Variants in DGKH observed in about 807,000 individuals in gnomAD.
DGKH encodes the protein DAG kinase eta.
Under a neutral mutation model 159.3 loss-of-function variants are expected in DGKH, and 90 were observed. That is an observed-to-expected ratio of 0.57 (90% CI 0.48 to 0.67). The LOEUF is 0.67. Among genes scored for constraint, DGKH ranks in the 30% least tolerant of loss-of-function variants. The pLI is 0.00. For missense variants in DGKH, 1,181 were observed against 1,506.1 expected (o/e 0.78, Z 3.57); for synonymous variants, 536 against 553.8 (o/e 0.97, Z 0.45).
Position 42,214,629 on chromosome 13 carries a change from A to G in DGKH, c.3120+17A>G. 6.2e-7 allele frequency: 1 copy of G among 1,607,964 alleles called. No homozygotes were observed. Among genetic ancestry groups the G allele is most frequent in the Non-Finnish European group, 8.5e-7 (1 of 1,177,632 alleles). On this transcript the variant is annotated intron_variant, in intron 25 of 29. Coordinates refer to ENST00000337343, the MANE Select transcript of DGKH (RefSeq NM_178009.5). Reference sequence around the variant, plus strand: ...TGCCCGGAGGTGAGGATCTAATGGTAAATTCTCATTCCACAGATTCTTTTG... The same window carrying G: ...TGCCCGGAGGTGAGGATCTAATGGTGAATTCTCATTCCACAGATTCTTTTG...
At chr13:42,195,891 A>G (rs1295368898) in intron 17 of DGKH, 1 of 152,262 alleles carries the variant, frequency 6.6e-6, no homozygotes, top group African/African-American at 2.4e-5. Context: ...AGAATTTACA[A>G]ATAATATATC....
At chr13:42,066,942 AG>A (rs1882621899) in intron 1 of DGKH, among the ~76,000 whole-genome samples, 1 of 152,070 alleles carries the variant, frequency 6.6e-6, no homozygotes, top group Admixed American at 6.5e-5. Flanking sequence ...TTTTGTTTAA[AG>A]AATGTATGTA....
At chr13:42,062,007 G>A (rs1301958025) in intron 1 of DGKH, among the ~76,000 whole-genome samples, 6 of 151,948 alleles carry the variant, frequency 3.9e-5, no homozygotes, top group Admixed American at 6.6e-5. Context: ...GTGTGTGTGT[G>A]TGTAAAATAT....
upstream of DGKH, among the ~76,000 whole-genome samples, chr13:42,044,478 A>C (rs1371716375): frequency 6.6e-6 from 1 of 152,050 alleles, no homozygotes; most frequent in Non-Finnish European, 1.5e-5. Context: ...TTTAGTAGAC[A>C]CGGGGTTTCA....
chr13:42,126,214 TA>T (rs1216172937), intron 1 of DGKH, among the ~76,000 whole-genome samples: 1 of 152,194 alleles, frequency 6.6e-6, no homozygotes, highest in East Asian at 1.9e-4. Flanking sequence ...GGTAGCACAA[TA>T]AACGTAGTAA....
chr13:42,225,696 C>A (rs1261836987), intron 29 of DGKH, among the ~76,000 whole-genome samples: 2 of 151,342 alleles, frequency 1.3e-5, no homozygotes, highest in African/African-American at 2.4e-5. Context: ...TCGCTTGAAC[C>A]CAGGAGGTGG....
rs769264067 is a variant in DGKH, at chr13:42,209,062, G to A, written c.2705G>A (p.Arg902Gln). Reference protein sequence around the residue: ...VSRVIKLQHHRIAQCRTVKIT... With the variant: ...VSRVIKLQHHQIAQCRTVKIT... ...AGGGTCATTAAACTGCAGCATCATC[G>A]AATAGCCCAGGTTGGTTTCTCTCGT... Residue 902 changes from arginine to glutamine, a missense_variant, in exon 22 of 30, where the codon CGA becomes CAA. Physicochemically the swap from Arg to Gln is conservative, Grantham distance 43 (BLOSUM62 1). This residue lies in a region of DGKH where 335 missense variants were observed against 495.2 expected (regional missense o/e 0.68). Transcript: ENST00000337343. 1.9e-6 allele frequency: 3 copies of A among 1,609,500 alleles called. No homozygotes were observed. Among genetic ancestry groups the A allele is most frequent in the East Asian group, 2.2e-5 (1 of 44,594 alleles).
intron 29 of DGKH, among the ~76,000 whole-genome samples, chr13:42,222,192 T>G (rs886646798): frequency 5.3e-5 from 8 of 152,228 alleles, no homozygotes; most frequent in Non-Finnish European, 8.8e-5. Flanking sequence ...TTGTATTTTC[T>G]TACCACATAT....
intron 12 of DGKH, among the ~76,000 whole-genome samples, chr13:42,175,657 T>G (rs551126802): frequency 1.3e-5 from 2 of 152,372 alleles, no homozygotes; most frequent in East Asian, 3.8e-4. Flanking sequence ...CTCTCTTTTT[T>G]TGTACAAAAG....
chr13:42,104,734 TTC>T (rs944121661), intron 1 of DGKH, among the ~76,000 whole-genome samples: 1 of 152,152 alleles, frequency 6.6e-6, no homozygotes, highest in Non-Finnish European at 1.5e-5. Flanking sequence ...ACACAAAAAT[TTC>T]TCTCTGCTCT....
At chr13:42,182,275 C>T (rs188258437) in intron 13 of DGKH, among the ~76,000 whole-genome samples, 41 of 152,312 alleles carry the variant, frequency 2.7e-4, no homozygotes, top group African/African-American at 9.1e-4. Context: ...TAATTACTTC[C>T]CACTGTACCC....
At chr13:42,107,887 C>G (rs1954790968) in intron 1 of DGKH, among the ~76,000 whole-genome samples, 1 of 152,098 alleles carries the variant, frequency 6.6e-6, no homozygotes, top group Non-Finnish European at 1.5e-5. Flanking sequence ...CCTAGAGTCT[C>G]TCTTTGGGCT....
chr13:42,219,745 A>G lies in DGKH; in HGVS notation c.3393A>G (p.Pro1131=), dbSNP rs754829604. ...GAAGCACCGTATTTCGAATAGTGCC[A>G]AAGTTTAAAAAGGAAAAGGTTCAGA... ...NNRSTVFRIV[P]KFKKEKVQKQ... The change falls in exon 28 of 30, where the codon CCA becomes CCG. Residue 1131 remains proline (P), a synonymous_variant. Transcript: ENST00000337343. 1.4e-5 allele frequency: 23 copies of G among 1,613,696 alleles called. No individual in the cohort carries two copies.
At chr13:42,079,010 AAGCGATTCTCCTGCCTC>A (rs1203767439) in intron 1 of DGKH, among the ~76,000 whole-genome samples, 6 of 143,430 alleles carry the variant, frequency 4.2e-5, no homozygotes, top group Non-Finnish European at 8.9e-5. Context: ...TTCTGGGTTC[AAGCGATTCTCCTGCCTC>A]AGCCTCCCGA....
chr13:42,217,383 T>A (rs1317375510), intron 26 of DGKH, among the ~76,000 whole-genome samples: 1 of 151,820 alleles, frequency 6.6e-6, no homozygotes, highest in African/African-American at 2.4e-5. Context: ...GGGACTACAA[T>A]CGCGCACCAC....
chr13:42,154,550 C>A (rs542002475), intron 3 of DGKH, among the ~76,000 whole-genome samples: 4 of 152,184 alleles, frequency 2.6e-5, no homozygotes, highest in Admixed American at 6.5e-5. Flanking sequence ...AGATAAAAGT[C>A]GCAATTCTTT....
At chr13:42,250,707 A>G (rs1308943489) in intron 29 of DGKH, among the ~76,000 whole-genome samples, 1 of 152,238 alleles carries the variant, frequency 6.6e-6, no homozygotes, top group Non-Finnish European at 1.5e-5. Context: ...ACAACCAATT[A>G]AAGGACAGAA....
At chr13:42,112,451 G>A (rs1480990003) in intron 1 of DGKH, among the ~76,000 whole-genome samples, 1 of 152,098 alleles carries the variant, frequency 6.6e-6, no homozygotes, top group Non-Finnish European at 1.5e-5. Flanking sequence ...CTGGCCCCAC[G>A]TGGCTTTGGA....
At chr13:42,157,470 G>A (rs1392989207) in intron 5 of DGKH, among the ~76,000 whole-genome samples, 1 of 152,136 alleles carries the variant, frequency 6.6e-6, no homozygotes, top group East Asian at 1.9e-4. Flanking sequence ...GTGAGAATAA[G>A]AAACTTAAAA....
Sources: gnomAD v4.1 joint callset for allele counts (sites outside exome capture counted in the v4.1 genomes callset) on GRCh38, gnomAD v4.1.1 for gene constraint, gnomAD v4.1.1 regional missense constraint, MANE v1.5 for transcripts, NCBI Gene and HGNC (gene_info 2026-07-23, HGNC 2026-07-21) for gene names.